IFRD2: variants seen among roughly 807,000 people sequenced by gnomAD.
The protein encoded by IFRD2 is interferon related developmental regulator 2.
Under a neutral mutation model 49.2 loss-of-function variants are expected in IFRD2, and 35 were observed. The ratio of observed to expected loss-of-function variants is 0.71; its 90% CI spans 0.54 to 0.94. The LOEUF is 0.94. Among genes scored for constraint, IFRD2 ranks in the 40% least tolerant of loss-of-function variants. The probability of loss-of-function intolerance (pLI) is 0.00; values close to 1 mark genes in which losing one functional copy is unlikely to be tolerated. For synonymous variants in IFRD2, 275 were observed against 239.7 expected (o/e 1.15, Z -1.36); for missense variants, 561 against 591.6 (o/e 0.95, Z 0.54).
Position 50,290,231 on chromosome 3 carries a change from G to C in IFRD2, c.327C>G (p.Pro109=). The change falls in exon 4 of 12, where the codon CCC becomes CCG. Residue 109 remains proline, a synonymous_variant. Coordinates refer to ENST00000417626, the MANE Select transcript of IFRD2 (RefSeq NM_006764.5). ...LRLALASRLL[P]DFLLERRLTL... is the part of the protein sequence containing the mutation. ...TGAGGCGGCGCTCCAGCAAGAAGTC[G>C]GGGAGTAGGCGGGACGCTAGGGCCA... 1 of 1,613,454 alleles carries C rather than the reference G, an allele frequency of 6.2e-7. No individual in the cohort carries two copies. The highest frequency in any genetic ancestry group is 1.1e-5 in the South Asian group (1 of 90,996).
chr3:50,289,670 C>T (rs781892828), intron 6 of IFRD2, 42 bp from the exon 7 acceptor site: 2 of 1,594,838 alleles, frequency 1.3e-6, no homozygotes, highest in African/African-American at 1.3e-5. Context: ...GGCAGAGTTA[C>T]AGCCCTAGAT....
intron 1 of IFRD2, chr3:50,291,627 G>T (rs1465143773): frequency 2.0e-5 from 3 of 152,314 alleles, no homozygotes; most frequent in Non-Finnish European, 2.9e-5. Flanking sequence ...TCCCCCTCAA[G>T]AATAAAAATA....
chr3:50,290,811 T>TCA, intron 1 of IFRD2, 132 bp from the exon 2 acceptor site: 1 of 1,219,748 alleles, frequency 8.2e-7, no homozygotes. Flanking sequence ...AAGCCAAGGG[T>TCA]CAGTTCAGTA....
At chr3:50,292,189 G>A in intron 1 of IFRD2, 28 bp downstream of exon 1, 1 of 1,445,880 alleles carries the variant, frequency 6.9e-7, no homozygotes, top group Non-Finnish European at 9.1e-7. Context: ...CGCTCATACA[G>A]CTGTCCCGCG....
In IFRD2 at chr3:50,290,807, A is replaced by AG; in HGVS notation, c.59-129dup. ...TCTCAGAGATGAAAAACCAAAGCCA[A>AG]GGGTCAGTTCAGTAGGGCTGGTGCA... On this transcript the variant is annotated intron_variant, in intron 1 of 11. Transcript: ENST00000417626. The AG allele has an allele frequency of 5.5e-6, 7 of 1,274,938 alleles. No homozygotes were observed. In the South Asian group the frequency reaches 8.4e-5, roughly 15 times the overall value. 79.0% of individuals were successfully genotyped at this position (1,274,938 alleles called of 1,614,324 possible). A position where few individuals can be genotyped will look rare whatever the true frequency, so the allele number is the denominator to read the frequency against.
At position 50,288,002 on chromosome 3, in the gene IFRD2, TGA is replaced by T; in HGVS notation, c.*187_*188del. 1.7e-6 allele frequency: 1 copy of T among 601,994 alleles called. No individual in the cohort carries two copies. Among genetic ancestry groups the T allele is most frequent in the African/African-American group, 1.8e-5 (1 of 54,154 alleles). 37.3% of individuals were successfully genotyped at this position (601,994 alleles called of 1,614,324 possible). A position where few individuals can be genotyped will look rare whatever the true frequency, so the allele number is the denominator to read the frequency against. On this transcript the variant is annotated 3_prime_UTR_variant, in exon 12 of 12. Transcript: ENST00000417626. The stretch of plus-strand genomic sequence containing the variant: ...ACAGGACAGGAAGGGGCCACAGGGC[TGA>T]GTGCAGGGACAAAGGGGTCAGGGTC...
chr3:50,288,686 A>G lies in IFRD2; in HGVS notation c.1049T>C (p.Val350Ala). ...GTAGAGCACCTCAAAGCCGAAGCGC[A>G]CTATCTCTTCTTCGCATTCACCGCC... ...VEGGECEEEIVRFGFEVLYMD... is the reference protein window; with the variant it reads ...VEGGECEEEIARFGFEVLYMD... Residue 350 changes from valine to alanine, a missense_variant, in exon 10 of 12, where the codon GTG becomes GCG. Coordinates refer to ENST00000417626, the MANE Select transcript of IFRD2 (RefSeq NM_006764.5). The G allele has an allele frequency of 6.2e-7, 1 of 1,613,636 alleles. No individual in the cohort carries two copies. The highest frequency in any genetic ancestry group is 8.5e-7 in the Non-Finnish European group (1 of 1,179,800).
In IFRD2 at chr3:50,288,892, G is replaced by T. The variant is rs782748364; in HGVS notation, c.931C>A (p.Arg311Ser). 6.2e-7 allele frequency: 1 copy of T among 1,613,176 alleles called. No individual in the cohort carries two copies. Among genetic ancestry groups the T allele is most frequent in the East Asian group, 2.2e-5 (1 of 44,858 alleles). ...EDMEALCSVL[R>S]TLATDSNKYR... ...TTGTTACTGTCAGTGGCCAGAGTGC[G>T]CAGGACACTGCAGAGGGCCTCCATG... The change falls in exon 9 of 12, where the codon CGC becomes AGC. Residue 311 changes from arginine (R) to serine (S), a missense_variant. Arg to Ser is a moderately radical substitution (Grantham distance 110). Coordinates refer to ENST00000417626, the MANE Select transcript of IFRD2 (RefSeq NM_006764.5).
intron 8 of IFRD2, 21 bp downstream of exon 8, chr3:50,289,234 C>G (rs1553709180): frequency 1.3e-6 from 2 of 1,548,028 alleles, no homozygotes; most frequent in East Asian, 4.9e-5. Context: ...ACCAAGCACC[C>G]CCCATCCTTG....
intron 1 of IFRD2, among the ~76,000 whole-genome samples, chr3:50,291,444 C>T (rs1701670955): frequency 6.6e-6 from 1 of 152,116 alleles, no homozygotes; most frequent in Non-Finnish European, 1.5e-5. Context: ...CAGGACTCAC[C>T]CAGAAGCACT....
chr3:50,288,716 A>G lies in IFRD2; in HGVS notation c.1024-5T>C, dbSNP rs782670797. 6.2e-7 allele frequency: 1 copy of G among 1,613,220 alleles called. No homozygotes were observed. The highest frequency in any genetic ancestry group is 2.2e-5 in the East Asian group (1 of 44,858). ...CTCTTCTTCGCATTCACCGCCCTGC[A>G]GGGTAGAGGTGCCAACACAACTGGG... On this transcript the variant is annotated splice_region_variant and splice_polypyrimidine_tract_variant and intron_variant, in intron 9 of 11. Transcript: ENST00000417626.
At position 50,288,390 on chromosome 3, in the gene IFRD2, G is replaced by T. The variant is rs782769007; in HGVS notation, c.1248+19C>A. ...GAAATGGGAATAGGGGGAAGAGAAA[G>T]GTGCCCAAGGGTGCAAACCTTCTCA... On this transcript the variant is annotated intron_variant, in intron 11 of 11. Coordinates refer to ENST00000417626, the MANE Select transcript of IFRD2 (RefSeq NM_006764.5). 12 of 1,608,726 alleles carry T rather than the reference G, an allele frequency of 7.5e-6. No homozygotes were observed. The highest frequency in any genetic ancestry group is 4.0e-5 in the African/African-American group (3 of 74,810).
In IFRD2 at chr3:50,288,619, C is replaced by G; in HGVS notation, c.1116G>C (p.Lys372Asn). The G allele has an allele frequency of 6.2e-7, 1 of 1,613,918 alleles. No individual in the cohort carries two copies. The highest frequency in any genetic ancestry group is 8.5e-7 in the Non-Finnish European group (1 of 1,179,864). ...WARHRIYAAF[K>N]EVLGSGMHHH... ...GGTGCATGCCCGAACCCAGCACTTC[C>G]TTGAAGGCAGCGTAGATCCGGTGCC... The change falls in exon 10 of 12, where the codon AAG (lysine) becomes AAC (asparagine). Residue 372 changes from lysine (K) to asparagine (N), a missense_variant. By Grantham distance (94) the Lys-to-Asn change is moderately conservative. Coordinates refer to ENST00000417626, the MANE Select transcript of IFRD2 (RefSeq NM_006764.5).
At chr3:50,290,135 C>T (rs782132362) in intron 4 of IFRD2, 35 bp downstream of exon 4, 60 of 1,612,402 alleles carry the variant, frequency 3.7e-5, no homozygotes, top group Non-Finnish European at 4.8e-5. Flanking sequence ...CAGTGTCTGC[C>T]CAGTTTAAGT....
rs1701616949 is a variant in IFRD2, at chr3:50,289,024, TGA to T, written c.886-89_886-88del. The T allele has an allele frequency of 2.6e-6, 4 of 1,519,676 alleles. No individual in the cohort carries two copies. The East Asian group carries it at 7.2e-5, about 27-fold the overall frequency. The allele number at this position is 1,519,676 out of a possible 1,614,324, so 94.1% of individuals were successfully genotyped here. ...GCACTGCCCAAACCCCTCCTTTCAC[TGA>T]GAGACCCTCTCTTCTCTGCCTGGCC... On this transcript the variant is annotated intron_variant, in intron 8 of 11. Coordinates refer to ENST00000417626, the MANE Select transcript of IFRD2 (RefSeq NM_006764.5).
rs782805958 is a variant in IFRD2, at chr3:50,289,928, C to T, written c.546+1G>A. 8 of 1,612,868 alleles carry T rather than the reference C, an allele frequency of 5.0e-6. No individual in the cohort carries two copies. The highest frequency in any genetic ancestry group is 1.1e-5 in the South Asian group (1 of 90,922). ...GTTTCATGGGGCACAGGCACACTCACGTGGAGCCGGGCAGCAGGGCTAGCT... is the reference window on the plus strand; with the variant it reads ...GTTTCATGGGGCACAGGCACACTCATGTGGAGCCGGGCAGCAGGGCTAGCT... On this transcript the variant is annotated splice_donor_variant, in intron 5 of 11. Transcript: ENST00000417626. LOFTEE classifies it high-confidence loss of function.
In IFRD2 at chr3:50,288,232, C is replaced by A. The variant is rs374417388; in HGVS notation, c.1288G>T (p.Ala430Ser). The A allele has an allele frequency of 6.2e-7, 1 of 1,613,902 alleles. No homozygotes were observed. Among genetic ancestry groups the A allele is most frequent in the East Asian group, 2.2e-5 (1 of 44,884 alleles). The change falls in exon 12 of 12, where the codon GCT becomes TCT. Residue 430 changes from alanine to serine, a missense_variant. By Grantham distance (99) the Ala-to-Ser change is moderately conservative. Transcript: ENST00000417626. ...NAAAFKARTK[A>S]RSRVRDKRAD... is the part of the protein sequence containing the mutation. ...CGCTTGTCCCGCACACGGCTTCGAG[C>A]CTTGGTCCGGGCTTTGAAGGCAGCA...
In IFRD2 at chr3:50,288,435, C is replaced by T. The variant is rs1553708968; in HGVS notation, c.1222G>A (p.Ala408Thr). 9 of 1,613,612 alleles carry T rather than the reference C, an allele frequency of 5.6e-6. No homozygotes were observed. The highest frequency in any genetic ancestry group is 7.6e-6 in the Non-Finnish European group (9 of 1,179,726). ...TTCTCAAAGCGTGGAACCTTGCAGG[C>T]CTTCAGGGCAGTGGCATCCAGCAAC... ...VLLLDATALK[A>T]CKVPRFEKHL... Residue 408 changes from alanine (A) to threonine (T), a missense_variant, in exon 11 of 12, where the codon GCC becomes ACC. Physicochemically the swap from Ala to Thr is moderately conservative, Grantham distance 58. Coordinates refer to ENST00000417626, the MANE Select transcript of IFRD2 (RefSeq NM_006764.5).
At chr3:50,290,881 T>C (rs1367062727) in intron 1 of IFRD2, among the ~76,000 whole-genome samples, 1 of 152,126 alleles carries the variant, frequency 6.6e-6, no homozygotes. Flanking sequence ...ATTGGCAAGG[T>C]TGGCTGCTGT....
Sources: gnomAD v4.1 joint callset for allele counts (sites outside exome capture counted in the v4.1 genomes callset) on GRCh38, gnomAD v4.1.1 for gene constraint, MANE v1.5 for transcripts, NCBI Gene and HGNC (gene_info 2026-07-23, HGNC 2026-07-21) for gene names.